The following TBC1D15 variants were observed in gnomAD, a reference collection of about 807,000 sequenced individuals.
The protein encoded by TBC1D15 is TBC1 domain family member 15.
In TBC1D15, 39 loss-of-function variants were observed where a neutral mutation model predicts 95.4. That is an observed-to-expected ratio of 0.41 (90% CI 0.32 to 0.53). The LOEUF (loss-of-function observed/expected upper bound fraction) is 0.53, where lower values mean the gene tolerates loss of function less well. Ranked by LOEUF, TBC1D15 falls within the 20% of genes least tolerant of loss-of-function variation. The pLI is 0.29. For synonymous variants in TBC1D15, 258 were observed against 261.3 expected (o/e 0.99, Z 0.12); for missense variants, 733 against 794.3 (o/e 0.92, Z 0.93).
intron 8 of TBC1D15, 38 bp downstream of exon 8, chr12:71,896,113 T>C: frequency 6.5e-7 from 1 of 1,528,698 alleles, no homozygotes; most frequent in Non-Finnish European, 8.9e-7. Context: ...TCTTATAAAC[T>C]CCTAGTATTT....
Position 71,850,984 on chromosome 12 carries a change from C to CAAAAAAAA in TBC1D15, c.30+11190_30+11197dup, listed in dbSNP as rs1206992856. ...CTGGTGGCAGAGCAACACTCCATCT[C>CAAAAAAAA]AAAAAAAAAAAAAAAAAAAAAAAAG... On this transcript the variant is annotated intron_variant, in intron 1 of 16. Transcript: ENST00000485960. Among the ~76,000 whole-genome samples, 71 of 46,942 alleles carry CAAAAAAAA rather than the reference C, an allele frequency of 1.5e-3. 1 individual carries two copies. Among genetic ancestry groups the CAAAAAAAA allele is most frequent in the South Asian group, 2.3e-3 (2 of 852 alleles). The allele number at this position is 46,942 out of a possible 152,430, so 30.8% of individuals were successfully genotyped here.
intron 12 of TBC1D15, 137 bp downstream of exon 12, chr12:71,914,063 T>C (rs1903095257): frequency 1.2e-5 from 7 of 586,550 alleles, no homozygotes; most frequent in Non-Finnish European, 2.0e-5. Flanking sequence ...TGTTACTTTT[T>C]CTTTTTAGTA....
rs577416716 is a variant in TBC1D15 at position 71,839,792 on chromosome 12, C to G, written c.11C>G (p.Ala4Gly). 6.2e-7 allele frequency: 1 copy of G among 1,614,148 alleles called. No homozygotes were observed. Among genetic ancestry groups the G allele is most frequent in the Non-Finnish European group, 8.5e-7 (1 of 1,180,024 alleles). ...GCACGCGCAGGAAACATGGCGGCGG[C>G]GGGTGTTGTGAGCGGGAAGGTAGGT... is the stretch of plus-strand genomic sequence containing the variant. MAAAGVVSGKIIYE... is the reference protein window; with the variant it reads MAAGGVVSGKIIYE... Residue 4 changes from alanine (A) to glycine (G), a missense_variant, in exon 1 of 17, where the codon GCG (alanine) becomes GGG (glycine). By Grantham distance (60) the Ala-to-Gly change is moderately conservative (BLOSUM62 0). Coordinates refer to ENST00000485960, the MANE Select transcript of TBC1D15 (RefSeq NM_001146213.3).
chr12:71,911,389 A>T (rs1338572145), intron 11 of TBC1D15, among the ~76,000 whole-genome samples: 1 of 151,956 alleles, frequency 6.6e-6, no homozygotes, highest in African/African-American at 2.4e-5. Flanking sequence ...TCCAATAATG[A>T]TAGACTGGAT....
intron 9 of TBC1D15, chr12:71,897,284 C>T (rs1796144088): frequency 6.5e-6 from 1 of 153,682 alleles, no homozygotes; most frequent in African/African-American, 2.4e-5. Context: ...ACCAACTTTC[C>T]AGGTACAACT....
chr12:71,849,169 AAAAAAAAAAC>A (rs2137889991), intron 1 of TBC1D15: 2 of 269,962 alleles, frequency 7.4e-6, no homozygotes, highest in East Asian at 6.9e-5. Context: ...ATTATAAAAA[AAAAAAAAAAC>A]AAAAAAAAAA....
intron 1 of TBC1D15, among the ~76,000 whole-genome samples, chr12:71,858,743 G>A (rs1202532303): frequency 6.6e-6 from 1 of 151,664 alleles, no homozygotes; most frequent in Admixed American, 6.6e-5. Flanking sequence ...TTTTTTTAGA[G>A]ATAGGGTTTC....
At chr12:71,873,297 A>G (rs1046000264) in intron 3 of TBC1D15, among the ~76,000 whole-genome samples, 10 of 152,214 alleles carry the variant, frequency 6.6e-5, no homozygotes, top group African/African-American at 2.2e-4. Context: ...TTTCGTATAA[A>G]TGGAGTCATG....
intron 4 of TBC1D15, among the ~76,000 whole-genome samples, chr12:71,883,697 A>G (rs1895668093): frequency 6.6e-6 from 1 of 152,140 alleles, no homozygotes; most frequent in Admixed American, 6.5e-5. Context: ...TATGGGACAG[A>G]ATTAATAAAG....
intron 8 of TBC1D15, 142 bp downstream of exon 8, chr12:71,896,217 C>CT: frequency 4.3e-6 from 3 of 705,866 alleles, no homozygotes; most frequent in Admixed American, 3.1e-5. Context: ...GGAATGAACT[C>CT]TGTTATTTCT....
At chr12:71,874,866 G>T (rs1002373687) in intron 3 of TBC1D15, among the ~76,000 whole-genome samples, 2 of 151,924 alleles carry the variant, frequency 1.3e-5, no homozygotes, top group Non-Finnish European at 2.9e-5. Flanking sequence ...GAGGTGATCT[G>T]CCCGCCTCTG....
chr12:71,906,876 G>T (rs533270856), intron 10 of TBC1D15, 146 bp from the exon 11 acceptor site: 3 of 458,588 alleles, frequency 6.5e-6, no homozygotes, highest in Admixed American at 3.9e-5. Context: ...ATTTGAAATA[G>T]AATTTGATGA....
At chr12:71,887,835 A>G (rs1377452090) in intron 5 of TBC1D15, among the ~76,000 whole-genome samples, 5 of 152,194 alleles carry the variant, frequency 3.3e-5, no homozygotes, top group African/African-American at 4.8e-5. Flanking sequence ...TCTTGTTTCC[A>G]TATTCTTCCT....
chr12:71,862,984 T>C (rs1592716052), intron 1 of TBC1D15, among the ~76,000 whole-genome samples: 1 of 152,244 alleles, frequency 6.6e-6, no homozygotes, highest in Non-Finnish European at 1.5e-5. Flanking sequence ...TTGTGAAAGA[T>C]AGCTTTGCTA....
intron 11 of TBC1D15, among the ~76,000 whole-genome samples, chr12:71,910,637 G>A (rs910855167): frequency 6.6e-5 from 10 of 152,090 alleles, no homozygotes; most frequent in African/African-American, 2.4e-4. Context: ...GTGAATGGGA[G>A]TTCACTCATG....
chr12:71,899,871 A>G (rs1368585628), intron 10 of TBC1D15, among the ~76,000 whole-genome samples: 1 of 152,100 alleles, frequency 6.6e-6, no homozygotes, highest in Non-Finnish European at 1.5e-5. Context: ...AGGTGGGAGG[A>G]TCACTTGAGC....
At chr12:71,916,877 A>T (rs1903831448) in intron 12 of TBC1D15, among the ~76,000 whole-genome samples, 1 of 152,098 alleles carries the variant, frequency 6.6e-6, no homozygotes, top group African/African-American at 2.4e-5. Flanking sequence ...CTCCAATATT[A>T]TTGAAGACCT....
intron 8 of TBC1D15, 179 bp downstream of exon 8, chr12:71,896,254 G>A (rs966115647): frequency 2.9e-5 from 16 of 543,750 alleles, no homozygotes; most frequent in African/African-American, 2.3e-4. Context: ...TAAAATTCCT[G>A]GATTGAGTAG....
At chr12:71,847,028 G>A (rs1462113439) in intron 1 of TBC1D15, among the ~76,000 whole-genome samples, 1 of 152,010 alleles carries the variant, frequency 6.6e-6, no homozygotes, top group Admixed American at 6.6e-5. Flanking sequence ...CTAAAGTTCT[G>A]GGATTACAGG....
Sources: allele counts gnomAD v4.1 joint callset (sites outside exome capture counted in the v4.1 genomes callset), GRCh38; gene constraint gnomAD v4.1.1; transcripts MANE v1.5; gene names NCBI Gene and HGNC (gene_info 2026-07-23, HGNC 2026-07-21).